The following TPM4 variants were observed in gnomAD, a reference collection of about 807,000 sequenced individuals.
TPM4 encodes the protein tropomyosin alpha-4 chain.
A neutral mutation model predicts 35.8 loss-of-function variants in TPM4; 17 were observed. That is an observed-to-expected ratio of 0.47 (90% CI 0.32 to 0.71). TPM4 has a LOEUF of 0.71. Among genes scored for constraint, TPM4 ranks in the 30% least tolerant of loss-of-function variants. TPM4 has a pLI of 0.03. For synonymous variants in TPM4, 120 were observed against 122.9 expected (o/e 0.98, Z 0.15); for missense variants, 240 against 320.9 (o/e 0.75, Z 1.93).
chr19:16,089,104 A>T lies in TPM4; in HGVS notation c.515A>T (p.Glu172Val). 1 of 1,613,808 alleles carries T rather than the reference A, an allele frequency of 6.2e-7. No homozygotes were observed. The highest frequency in any genetic ancestry group is 8.5e-7 in the Non-Finnish European group (1 of 1,179,988). The change falls in exon 5 of 8, where the codon GAG becomes GTG. Residue 172 changes from glutamate to valine, a missense_variant. Glu to Val is a moderately radical substitution (Grantham distance 121). Coordinates refer to ENST00000643579, the MANE Select transcript of TPM4 (RefSeq NM_003290.3). Reference sequence around the variant, plus strand: ...GTTACTAACAATCTGAAATCTCTGGAGGCTGCATCTGAAAAGGTAGGTGGT... The same window carrying T: ...GTTACTAACAATCTGAAATCTCTGGTGGCTGCATCTGAAAAGGTAGGTGGT... ...KNVTNNLKSLEAASEKYSEKE... is the reference protein window; with the variant it reads ...KNVTNNLKSLVAASEKYSEKE...
chr19:16,069,948 C>T (rs2090340598), intron 2 of TPM4, among the ~76,000 whole-genome samples: 1 of 151,578 alleles, frequency 6.6e-6, no homozygotes, highest in Admixed American at 6.6e-5. Flanking sequence ...TGACAGAAGC[C>T]CGCTGTCTCA....
In TPM4 at chr19:16,081,816, G is replaced by A. The variant is rs568188517; in HGVS notation, c.133-97G>A. ...CTGGACTCCTGGGTGGGCTTTGACG[G>A]GGAAGATCAGGTTAACAGAGGGCAG... On this transcript the variant is annotated intron_variant, in intron 1 of 7. Transcript: ENST00000643579. 162 of 1,406,592 alleles carry A rather than the reference G, an allele frequency of 1.2e-4. 4 individuals are homozygous for A. The South Asian group carries it at 2.5e-3, about 22-fold the overall frequency. The allele number at this position is 1,406,592 out of a possible 1,614,324, so 87.1% of individuals were successfully genotyped here. A position where few individuals can be genotyped will look rare whatever the true frequency, so the allele number is the denominator to read the frequency against.
chr19:16,076,550 T>G lies in TPM4; in HGVS notation c.-16T>G, dbSNP rs959991110. 4.1e-6 allele frequency: 6 copies of G among 1,450,954 alleles called. No homozygotes were observed. The African/African-American group carries it at 7.4e-5, about 18-fold the overall frequency. 89.9% of individuals were successfully genotyped at this position (1,450,954 alleles called of 1,614,324 possible). A position where few individuals can be genotyped will look rare whatever the true frequency, so the allele number is the denominator to read the frequency against. On this transcript the variant is annotated 5_prime_UTR_variant, in exon 1 of 8. Transcript: ENST00000643579. ...GAGCGTCCGCCGCTGCCCGTGCGCC[T>G]CTGCGCCTCCGCGCCATGGCCGGCC...
chr19:16,090,188 T>G (rs755185179), intron 5 of TPM4, among the ~76,000 whole-genome samples: 1 of 151,868 alleles, frequency 6.6e-6, no homozygotes, highest in Non-Finnish European at 1.5e-5. Flanking sequence ...TGATCATAGC[T>G]CACTGCAGGC....
intron 2 of TPM4, among the ~76,000 whole-genome samples, chr19:16,069,497 G>GT (rs1491434975): frequency 5.1e-3 from 2 of 392 alleles, no homozygotes; most frequent in African/African-American, 0.019. Flanking sequence ...TTCTGATGGG[G>GT]TGTGTGTATG....
chr19:16,069,742 T>TG (rs374621814), intron 2 of TPM4, among the ~76,000 whole-genome samples: 11 of 145,106 alleles, frequency 7.6e-5, no homozygotes, highest in Non-Finnish European at 1.5e-4. Flanking sequence ...GTGTTTCTAT[T>TG]GGGGGGTGTG....
At position 16,102,017 on chromosome 19, in the gene TPM4, TC is replaced by T. The variant is rs758022039; in HGVS notation, c.*673del. 1.4e-5 allele frequency: 3 copies of T among 213,860 alleles called. No homozygotes were observed. Among genetic ancestry groups the T allele is most frequent in the Non-Finnish European group, 2.8e-5 (3 of 106,004 alleles). 13.2% of individuals were successfully genotyped at this position (213,860 alleles called of 1,614,324 possible). A position where few individuals can be genotyped will look rare whatever the true frequency, so the allele number is the denominator to read the frequency against. The stretch of plus-strand genomic sequence containing the variant: ...TAATTAATAGATGGTAATTAATTGA[TC>T]CTTGATGTGATGTTCTTTTGCATAT... On this transcript the variant is annotated 3_prime_UTR_variant, in exon 8 of 8. Transcript: ENST00000643579.
chr19:16,079,724 G>C (rs1337644757), intron 1 of TPM4: 1 of 185,098 alleles, frequency 5.4e-6, no homozygotes, highest in African/African-American at 2.4e-5. Context: ...TTTTGAGACG[G>C]AATCTTGCTC....
Position 16,089,084 on chromosome 19 carries a change from T to C in TPM4, c.495T>C (p.Thr165=), listed in dbSNP as rs1219301138. ...TGGAAGAAGAACTCAAGAATGTTAC[T>C]AACAATCTGAAATCTCTGGAGGCTG... ...GDLEEELKNV[T]NNLKSLEAAS... Residue 165 remains threonine (T), a synonymous_variant, in exon 5 of 8, where the codon ACT becomes ACC. Coordinates refer to ENST00000643579, the MANE Select transcript of TPM4 (RefSeq NM_003290.3). 6.2e-7 allele frequency: 1 copy of C among 1,614,096 alleles called. No individual in the cohort carries two copies. The highest frequency in any genetic ancestry group is 8.5e-7 in the Non-Finnish European group (1 of 1,179,998).
chr19:16,071,090 A>G (rs2090353311), intron 2 of TPM4, among the ~76,000 whole-genome samples: 1 of 152,226 alleles, frequency 6.6e-6, no homozygotes, highest in Non-Finnish European at 1.5e-5. Context: ...TTGTCCCACA[A>G]AGATGCCCAC....
At chr19:16,088,696 C>T (rs979190863) in intron 4 of TPM4, 1 of 1,065,132 alleles carries the variant, frequency 9.4e-7, no homozygotes, top group Non-Finnish European at 1.1e-6. Flanking sequence ...TGCTCTCTGC[C>T]CGCCTTCTGC....
chr19:16,074,860 G>A (rs2090388560), upstream of TPM4: 1 of 152,364 alleles, frequency 6.6e-6, no homozygotes, highest in African/African-American at 2.4e-5. Flanking sequence ...GGGAGGCCGA[G>A]GCGGGCAGAT....
At position 16,067,785 on chromosome 19, in the gene TPM4, C is replaced by G. The variant is rs769166058; in HGVS notation, c.114+47C>G. 1.3e-6 allele frequency: 2 copies of G among 1,576,730 alleles called. No individual in the cohort carries two copies. The highest frequency in any genetic ancestry group is 2.3e-5 in the South Asian group (2 of 88,882). ...CGCTCCGGGCTGCTGGGAGTCCTCTCTGTGCGGAAGGCCGGGGTCTGGAGC... is the reference window on the plus strand; with the variant it reads ...CGCTCCGGGCTGCTGGGAGTCCTCTGTGTGCGGAAGGCCGGGGTCTGGAGC... On this transcript the variant is annotated intron_variant, in intron 2 of 2. Transcript: ENST00000589897. This position sits in a 1 kb window ranked among gnomAD's most constrained non-coding sequence, Gnocchi z 4.1.
chr19:16,087,937 G>A, intron 3 of TPM4, 90 bp from the exon 4 acceptor site: 1 of 1,363,276 alleles, frequency 7.3e-7, no homozygotes, highest in Non-Finnish European at 1.0e-6. Flanking sequence ...TAGGGGTCTG[G>A]GTGGGGCATC....
In TPM4 at chr19:16,101,985, C is replaced by T. The variant is rs991535570; in HGVS notation, c.*639C>T. On this transcript the variant is annotated 3_prime_UTR_variant, in exon 8 of 8. Coordinates refer to ENST00000643579, the MANE Select transcript of TPM4 (RefSeq NM_003290.3). ...CTTGGGAAATAGTCATAATTACCCA[C>T]ATATAGTAATTAATAGATGGTAATT... 2 of 217,892 alleles carry T rather than the reference C, an allele frequency of 9.2e-6. No homozygotes were observed. Among genetic ancestry groups the T allele is most frequent in the South Asian group, 1.9e-4 (1 of 5,390 alleles). 13.5% of individuals were successfully genotyped at this position (217,892 alleles called of 1,614,324 possible). A position where few individuals can be genotyped will look rare whatever the true frequency, so the allele number is the denominator to read the frequency against.
At chr19:16,068,929 C>T (rs973767795) in intron 2 of TPM4, among the ~76,000 whole-genome samples, 9 of 152,016 alleles carry the variant, frequency 5.9e-5, no homozygotes, top group African/African-American at 1.5e-4. Flanking sequence ...GTGTGTGGGA[C>T]GCTGCGTGCG....
chr19:16,088,349 G>A, intron 4 of TPM4: 1 of 1,323,076 alleles, frequency 7.6e-7, no homozygotes, highest in South Asian at 1.6e-5. Context: ...GAGACAGGAG[G>A]CAGCAGGGAA....
intron 1 of TPM4, chr19:16,080,477 G>T (rs2090469289): frequency 5.2e-6 from 1 of 193,160 alleles, no homozygotes; most frequent in Admixed American, 6.1e-5. Context: ...AGAGGGCCAG[G>T]ATGAGGAAGC....
intron 2 of TPM4, 52 bp from the exon 3 acceptor site, chr19:16,086,367 GAGGT>G: frequency 1.4e-6 from 2 of 1,438,030 alleles, no homozygotes; most frequent in Non-Finnish European, 2.0e-6. Flanking sequence ...AGATAGATGA[GAGGT>G]GGGTGGAGGG....
Sources: allele counts gnomAD v4.1 joint callset (sites outside exome capture counted in the v4.1 genomes callset), GRCh38; gene constraint gnomAD v4.1.1; non-coding constraint Gnocchi (gnomAD v3.1); transcripts MANE v1.5; gene names NCBI Gene and HGNC (gene_info 2026-07-23, HGNC 2026-07-21).